The following G3BP2 variants were observed in gnomAD, a reference collection of about 807,000 sequenced individuals.
The protein encoded by G3BP2 is G3BP stress granule assembly factor 2.
Under a neutral mutation model 56.7 loss-of-function variants are expected in G3BP2, and 11 were observed. That is an observed-to-expected ratio of 0.19 (90% CI 0.12 to 0.32). The LOEUF (loss-of-function observed/expected upper bound fraction) is 0.32. Ranked by LOEUF, G3BP2 falls within the 10% of genes least tolerant of loss-of-function variation. The pLI is 1.00. For synonymous variants in G3BP2, 165 were observed against 191.6 expected (o/e 0.86, Z 1.15); for missense variants, 340 against 610.9 (o/e 0.56, Z 4.67).
At chr4:75,669,459 A>G (rs950197500) in intron 1 of G3BP2, among the ~76,000 whole-genome samples, 2 of 152,166 alleles carry the variant, frequency 1.3e-5, no homozygotes, top group African/African-American at 2.4e-5. Context: ...TTATTCTTCA[A>G]AAGTCTTTCA....
intron 2 of G3BP2, chr4:75,661,680 T>C (rs921572450): frequency 3.2e-6 from 1 of 308,226 alleles, no homozygotes; most frequent in African/African-American, 2.2e-5. Flanking sequence ...CTAGAGTACA[T>C]ATAAGAATAA....
chr4:75,677,354 C>T (rs758043651), upstream of G3BP2, among the ~76,000 whole-genome samples: 8 of 151,832 alleles, frequency 5.3e-5, no homozygotes, highest in Non-Finnish European at 1.2e-4. Flanking sequence ...GGGTGGATCA[C>T]GAGGTCAGGA....
intron 3 of G3BP2, among the ~76,000 whole-genome samples, chr4:75,693,978 C>A (rs1718990223): frequency 6.6e-6 from 1 of 151,890 alleles, no homozygotes; most frequent in Non-Finnish European, 1.5e-5. Context: ...TAGTCTCAAG[C>A]AATCTTCCTG....
chr4:75,669,654 C>T (rs1185029279), intron 1 of G3BP2, among the ~76,000 whole-genome samples: 2 of 152,206 alleles, frequency 1.3e-5, no homozygotes, highest in Non-Finnish European at 2.9e-5. Flanking sequence ...ATTTTAATCA[C>T]CTAATATTAT....
intron 3 of G3BP2, among the ~76,000 whole-genome samples, chr4:75,705,196 G>T (rs1301067091): frequency 6.6e-6 from 1 of 152,190 alleles, no homozygotes; most frequent in African/African-American, 2.4e-5. Flanking sequence ...CCAGTGGAGG[G>T]CTCAGGTCCA....
chr4:75,673,591 A>T (rs528735895), upstream of G3BP2: 2 of 1,231,712 alleles, frequency 1.6e-6, no homozygotes, highest in African/African-American at 3.1e-5. Context: ...CGCGCCCGGA[A>T]AGCCGGGGAA....
intron 1 of G3BP2, among the ~76,000 whole-genome samples, chr4:75,663,783 C>T (rs1221330911): frequency 1.3e-5 from 2 of 151,662 alleles, no homozygotes; most frequent in Admixed American, 6.6e-5. Context: ...TGCTTGAACC[C>T]GGGAGGCGGA....
intron 10 of G3BP2, among the ~76,000 whole-genome samples, chr4:75,646,766 CCTTT>C (rs1731235638): frequency 6.6e-6 from 1 of 152,084 alleles, no homozygotes. Flanking sequence ...CCAAATGAAT[CCTTT>C]ATCTCTGAAT....
At chr4:75,673,053 C>T in intron 1 of G3BP2, 155 bp downstream of exon 1, 2 of 999,518 alleles carry the variant, frequency 2.0e-6, no homozygotes, top group Non-Finnish European at 2.4e-6. Context: ...CACGCACACA[C>T]GGCACCGTAG....
At chr4:75,690,731 A>C (rs1211856483) in intron 3 of G3BP2, among the ~76,000 whole-genome samples, 1 of 151,920 alleles carries the variant, frequency 6.6e-6, no homozygotes, top group Non-Finnish European at 1.5e-5. Context: ...ACCACCATGC[A>C]TGGCAAATTT....
chr4:75,718,398 T>C (rs1445175291), intron 3 of G3BP2, among the ~76,000 whole-genome samples: 1 of 152,170 alleles, frequency 6.6e-6, no homozygotes, highest in African/African-American at 2.4e-5. Flanking sequence ...TAATGTAACA[T>C]GATCTTTTGA....
intron 3 of G3BP2, among the ~76,000 whole-genome samples, chr4:75,707,175 GA>G (rs35357713): frequency 0.32 from 32,937 of 103,446 alleles, 4,568 homozygotes; most frequent in East Asian, 0.68. Context: ...ACTCCGTCTT[GA>G]AAAAAAAAAA....
chr4:75,677,967 T>G (rs113074183), upstream of G3BP2, among the ~76,000 whole-genome samples: 1 of 152,178 alleles, frequency 6.6e-6, no homozygotes, highest in Non-Finnish European at 1.5e-5. Context: ...AGGGAGTTCA[T>G]TAGTCTCTTT....
chr4:75,722,963 A>G (rs1199202040), intron 1 of G3BP2, among the ~76,000 whole-genome samples: 2 of 152,240 alleles, frequency 1.3e-5, no homozygotes, highest in Non-Finnish European at 2.9e-5. Flanking sequence ...AAAATGAATA[A>G]CATAGTCCTG....
At chr4:75,680,816 T>C (rs71607327) in intron 3 of G3BP2, among the ~76,000 whole-genome samples, 33,259 of 150,998 alleles carry the variant, frequency 0.22, 3,954 homozygotes, top group Middle Eastern at 0.36. Context: ...AATACAAAAA[T>C]TAGCTGGGTG....
At chr4:75,720,779 G>C (rs1179171569) in intron 3 of G3BP2, among the ~76,000 whole-genome samples, 1 of 149,198 alleles carries the variant, frequency 6.7e-6, no homozygotes, top group African/African-American at 2.5e-5. Context: ...CTGGGTGACA[G>C]AGCGAGGCTC....
At chr4:75,687,016 C>A (rs1718641206) in intron 3 of G3BP2, among the ~76,000 whole-genome samples, 1 of 152,130 alleles carries the variant, frequency 6.6e-6, no homozygotes, top group African/African-American at 2.4e-5. Context: ...TTGCTTGAGA[C>A]TAGGAGTTCC....
At chr4:75,661,716 T>C (rs1049350826) in intron 2 of G3BP2, 8 of 484,518 alleles carry the variant, frequency 1.7e-5, no homozygotes, top group African/African-American at 7.9e-5. Context: ...GATATGAATG[T>C]GTTATGTACC....
In G3BP2 at chr4:75,645,745, C is replaced by T; in HGVS notation, c.1177-43G>A. 1.9e-6 allele frequency: 3 copies of T among 1,562,980 alleles called. No homozygotes were observed. In the South Asian group the frequency reaches 3.4e-5, roughly 18 times the overall value. ...AAAATATTTACATGGGCAGGTTAGA[C>T]AGCAATAGAAATGATTACTCTGAAC... On this transcript the variant is annotated intron_variant, in intron 11 of 11. Coordinates refer to ENST00000359707, the MANE Select transcript of G3BP2 (RefSeq NM_203505.3).
Sources: allele counts gnomAD v4.1 joint callset (sites outside exome capture counted in the v4.1 genomes callset), GRCh38; gene constraint gnomAD v4.1.1; transcripts MANE v1.5; gene names NCBI Gene and HGNC (gene_info 2026-07-23, HGNC 2026-07-21).